HK2: variants seen among roughly 807,000 people sequenced by gnomAD.
The protein encoded by HK2 is hexokinase 2.
Under a neutral mutation model 92.9 loss-of-function variants are expected in HK2, and 42 were observed. The observed-to-expected ratio is 0.45, with a 90% CI of 0.35 to 0.58. The LOEUF is 0.58. Among genes scored for constraint, HK2 ranks in the 20% least tolerant of loss-of-function variants. The pLI, the probability that HK2 is intolerant of heterozygous loss-of-function variation, is 0.00. For missense variants in HK2, 978 were observed against 1,245.1 expected (o/e 0.79, Z 3.23); for synonymous variants, 422 against 468.0 (o/e 0.90, Z 1.27).
intron 12 of HK2, among the ~76,000 whole-genome samples, chr2:74,884,368 C>T (rs1241377715): frequency 6.6e-6 from 1 of 152,262 alleles, no homozygotes; most frequent in African/African-American, 2.4e-5. Flanking sequence ...GACCCCAGGG[C>T]TCTGTGGCCC....
intron 6 of HK2, 142 bp downstream of exon 6, chr2:74,874,085 G>T: frequency 1.0e-6 from 1 of 967,098 alleles, no homozygotes; most frequent in East Asian, 2.6e-5. Context: ...GGAGAGCCGA[G>T]CAGGGACTCA....
In HK2 at chr2:74,882,246, G is replaced by A; in HGVS notation, c.1839+7G>A. On this transcript the variant is annotated splice_region_variant and intron_variant, in intron 12 of 17. Transcript: ENST00000290573. Reference sequence around the variant, plus strand: ...GCAGAACAGCCTGGACGAGGTAACAGCACCTTCCTGGAGGGCTCTCCTGTG... The same window carrying A: ...GCAGAACAGCCTGGACGAGGTAACAACACCTTCCTGGAGGGCTCTCCTGTG... The A allele has an allele frequency of 6.2e-7, 1 of 1,613,922 alleles. No individual in the cohort carries two copies. Among genetic ancestry groups the A allele is most frequent in the Non-Finnish European group, 8.5e-7 (1 of 1,179,862 alleles).
In HK2 at chr2:74,886,483, T is replaced by C. The variant is rs1431177819; in HGVS notation, c.2036-7T>C. The stretch of plus-strand genomic sequence containing the variant: ...TGAGTGAGGCCCTGGTATCCTGTGA[T>C]TGGCAGGCACGGGCAGCAATGCCTG... On this transcript the variant is annotated splice_region_variant and splice_polypyrimidine_tract_variant and intron_variant, in intron 14 of 17. Transcript: ENST00000290573. The C allele has an allele frequency of 3.7e-6, 6 of 1,613,822 alleles. No homozygotes were observed. The highest frequency in any genetic ancestry group is 1.7e-5 in the Admixed American group (1 of 59,990).
chr2:74,878,795 C>T lies in HK2; in HGVS notation c.1139C>T (p.Thr380Ile). 6.4e-7 allele frequency: 1 copy of T among 1,561,600 alleles called. No homozygotes were observed. The highest frequency in any genetic ancestry group is 1.2e-5 in the South Asian group (1 of 84,946). Reference sequence around the variant, plus strand: ...CACCGGATCTGCCAGATCGTGTCCACACGCTCCGCCAGCCTGTGCGCAGCC... The same window carrying T: ...CACCGGATCTGCCAGATCGTGTCCATACGCTCCGCCAGCCTGTGCGCAGCC... ...ATHRICQIVS[T>I]RSASLCAATL... is the part of the protein sequence containing the mutation. Residue 380 changes from threonine (T) to isoleucine (I), a missense_variant, in exon 9 of 18, where the codon ACA (threonine) becomes ATA (isoleucine). By Grantham distance (89) the Thr-to-Ile change is moderately conservative (BLOSUM62 -1). Around this residue, in one of 3 missense-constraint regions of HK2, gnomAD observed 742 missense variants for 922.5 expected, o/e 0.80. Coordinates refer to ENST00000290573, the MANE Select transcript of HK2 (RefSeq NM_000189.5).
intron 12 of HK2, among the ~76,000 whole-genome samples, chr2:74,883,992 A>G (rs1280946416): frequency 1.3e-5 from 2 of 152,236 alleles, no homozygotes; most frequent in African/African-American, 4.8e-5. Context: ...ATAAAAAAAC[A>G]TAAAATACAA....
Position 74,880,527 on chromosome 2 carries a change from A to G in HK2, c.1528A>G (p.Lys510Glu). The G allele has an allele frequency of 6.2e-7, 1 of 1,614,212 alleles. No individual in the cohort carries two copies. The highest frequency in any genetic ancestry group is 8.5e-7 in the Non-Finnish European group (1 of 1,180,018). Residue 510 changes from lysine (K) to glutamate (E), a missense_variant, in exon 10 of 18, where the codon AAG (lysine) becomes GAG (glutamate). Lys to Glu is a moderately conservative substitution (Grantham distance 56). Around this residue, in one of 3 missense-constraint regions of HK2, gnomAD observed 742 missense variants for 922.5 expected, o/e 0.80. Coordinates refer to ENST00000290573, the MANE Select transcript of HK2 (RefSeq NM_000189.5). Reference sequence around the variant, plus strand: ...GGAGACTCATGCCAGTGCCCCCGTCAAGATGCTGCCCACCTACGTGTGTGC... The same window carrying G: ...GGAGACTCATGCCAGTGCCCCCGTCGAGATGCTGCCCACCTACGTGTGTGC... The part of the protein sequence containing the change: ...SKETHASAPV[K>E]MLPTYVCATP...
At chr2:74,851,217 C>T (rs1472675910) in intron 1 of HK2, among the ~76,000 whole-genome samples, 1 of 152,212 alleles carries the variant, frequency 6.6e-6, no homozygotes, top group Non-Finnish European at 1.5e-5. Context: ...CCCTCATTAC[C>T]CAAGTGATCT....
chr2:74,848,145 G>A (rs1297878557), intron 1 of HK2, among the ~76,000 whole-genome samples: 1 of 152,156 alleles, frequency 6.6e-6, no homozygotes, highest in African/African-American at 2.4e-5. Context: ...AGCTCCAAAA[G>A]TATCCCCTTT....
chr2:74,889,195 C>G (rs765718547), intron 16 of HK2, 50 bp from the exon 17 acceptor site: 3 of 1,480,730 alleles, frequency 2.0e-6, no homozygotes, highest in East Asian at 2.4e-5. Flanking sequence ...GGTAGGCTAC[C>G]AGCCTTCTTG....
intron 2 of HK2, among the ~76,000 whole-genome samples, chr2:74,857,862 G>A (rs1018736586): frequency 3.9e-5 from 6 of 152,126 alleles, no homozygotes; most frequent in Non-Finnish European, 5.9e-5. Context: ...TTGTGTTAGC[G>A]ATTCCCCCCA....
intron 3 of HK2, among the ~76,000 whole-genome samples, chr2:74,868,294 G>A (rs1167594367): frequency 2.6e-5 from 4 of 152,116 alleles, no homozygotes; most frequent in Non-Finnish European, 5.9e-5. Flanking sequence ...GAGCTTTACC[G>A]AAGTTGTCAC....
intron 12 of HK2, among the ~76,000 whole-genome samples, chr2:74,882,494 G>C (rs537977724): frequency 6.6e-6 from 1 of 150,988 alleles, no homozygotes; most frequent in Admixed American, 6.6e-5. Flanking sequence ...CGGGTGTGGT[G>C]ACTCATACCT....
intron 1 of HK2, among the ~76,000 whole-genome samples, chr2:74,837,970 G>T (rs1011650417): frequency 2.6e-5 from 4 of 152,144 alleles, no homozygotes; most frequent in Non-Finnish European, 5.9e-5. Context: ...CACCGCACGA[G>T]GCCTGCCCTT....
chr2:74,860,073 C>T (rs147400930), intron 2 of HK2, among the ~76,000 whole-genome samples: 2 of 151,896 alleles, frequency 1.3e-5, no homozygotes, highest in Admixed American at 1.3e-4. Flanking sequence ...CCAAAACAGA[C>T]AAATACCGCA....
At chr2:74,837,825 G>A (rs990089617) in intron 1 of HK2, among the ~76,000 whole-genome samples, 2 of 151,938 alleles carry the variant, frequency 1.3e-5, no homozygotes, top group Admixed American at 6.6e-5. Context: ...ACAGGCGTGC[G>A]CCACCATGCC....
At position 74,878,870 on chromosome 2, in the gene HK2, G is replaced by C. The variant is rs531347642; in HGVS notation, c.1214G>C (p.Arg405Pro). ...ATCAAGGAGAACAAAGGCGAGGAGC[G>C]GCTGCGCTCTACTATTGGGGTCGAC... ...QRIKENKGEE[R>P]LRSTIGVDGS... Residue 405 changes from arginine (R) to proline (P), a missense_variant, in exon 9 of 18, where the codon CGG (arginine) becomes CCG (proline). Transcript: ENST00000290573. 6 of 1,552,056 alleles carry C rather than the reference G, an allele frequency of 3.9e-6. No homozygotes were observed. The highest frequency in any genetic ancestry group is 5.2e-6 in the Non-Finnish European group (6 of 1,147,338).
intron 1 of HK2, among the ~76,000 whole-genome samples, chr2:74,837,321 G>A (rs981832092): frequency 2.6e-5 from 4 of 152,148 alleles, no homozygotes; most frequent in Non-Finnish European, 5.9e-5. Context: ...TCCTGGCCCG[G>A]GCCTCTGCCC....
chr2:74,856,270 G>A (rs1037938846), intron 2 of HK2, among the ~76,000 whole-genome samples: 6 of 152,148 alleles, frequency 3.9e-5, no homozygotes, highest in South Asian at 2.1e-4. Context: ...GACCTGGTTC[G>A]TCTGAGACTG....
In HK2 at chr2:74,887,584, G is replaced by A. The variant is rs140648983; in HGVS notation, c.2220-319G>A. On this transcript the variant is annotated intron_variant, in intron 15 of 17. Transcript: ENST00000290573. Reference sequence around the variant, plus strand: ...GTGGGGTTATGGTGTGTTCCTTCTCGAGTTGCTTCTTGAAATTTCGAAATA... The same window carrying A: ...GTGGGGTTATGGTGTGTTCCTTCTCAAGTTGCTTCTTGAAATTTCGAAATA... Among the ~76,000 whole-genome samples the A allele has an allele frequency of 2.8e-4, 43 of 152,106 alleles. 1 individual carries two copies. Among genetic ancestry groups the A allele is most frequent in the Admixed American group, 9.8e-4 (15 of 15,292 alleles).
Sources: allele counts gnomAD v4.1 joint callset (sites outside exome capture counted in the v4.1 genomes callset), GRCh38; gene constraint gnomAD v4.1.1; regional missense constraint gnomAD v4.1.1; transcripts MANE v1.5; gene names NCBI Gene and HGNC (gene_info 2026-07-23, HGNC 2026-07-21).